Variants in PIK3C2B observed in about 807,000 individuals in gnomAD.
PIK3C2B encodes the protein phosphatidylinositol-4-phosphate 3-kinase catalytic subunit type 2 beta, also known as phosphatidylinositol 4-phosphate 3-kinase C2 domain-containing subunit beta.
A neutral mutation model predicts 184.3 loss-of-function variants in PIK3C2B; 83 were observed. That is an observed-to-expected ratio of 0.45 (90% CI 0.38 to 0.54). PIK3C2B has a LOEUF of 0.54. PIK3C2B is among the 20% of genes least tolerant of loss of function. The pLI is 0.00. For synonymous variants in PIK3C2B, 779 were observed against 837.6 expected (o/e 0.93, Z 1.21); for missense variants, 1,736 against 2,113.5 (o/e 0.82, Z 3.50).
chr1:204,432,508 T>A, intron 26 of PIK3C2B, 107 bp from the exon 27 acceptor site: 1 of 821,814 alleles, frequency 1.2e-6, no homozygotes, highest in Middle Eastern at 2.2e-4. Context: ...AACAATCAGC[T>A]CAGATCAAAC....
chr1:204,486,170 C>A (rs1225495289), intron 1 of PIK3C2B, among the ~76,000 whole-genome samples: 2 of 151,142 alleles, frequency 1.3e-5, no homozygotes, highest in African/African-American at 4.9e-5. Flanking sequence ...TCGAGGCGGG[C>A]GGATCACCAG....
rs765998652 is a variant in PIK3C2B at position 204,433,746 on chromosome 1, G to A, written c.3843+47C>T. The A allele has an allele frequency of 1.3e-6, 2 of 1,554,792 alleles. No individual in the cohort carries two copies. The highest frequency in any genetic ancestry group is 1.7e-5 in the Admixed American group (1 of 59,526). On this transcript the variant is annotated intron_variant, in intron 25 of 32. Transcript: ENST00000684373. This position sits in a 1 kb window ranked among gnomAD's most constrained non-coding sequence, Gnocchi z 5.0. ...AAGACAGGGAAGTCTTAAAGATGAT[G>A]CCAGATAATAAGAAGAAGGTATTCG... is the stretch of plus-strand genomic sequence containing the variant.
Position 204,444,363 on chromosome 1 carries a change from C to T in PIK3C2B, c.2740G>A (p.Glu914Lys). 4 of 1,614,020 alleles carry T rather than the reference C, an allele frequency of 2.5e-6. No homozygotes were observed. Among genetic ancestry groups the T allele is most frequent in the Non-Finnish European group, 3.4e-6 (4 of 1,179,966 alleles). Reference sequence around the variant, plus strand: ...AGCTGGGGCAGGTAGTCTAGCAGCTCAGCATCTGAGAGTGAGCCAATCCAC... The same window carrying T: ...AGCTGGGGCAGGTAGTCTAGCAGCTTAGCATCTGAGAGTGAGCCAATCCAC... The part of the protein sequence containing the change: ...VQWIGSLSDA[E>K]LLDYLPQLVQ... Residue 914 changes from glutamate to lysine, a missense_variant, in exon 17 of 33, where the codon GAG becomes AAG. By Grantham distance (56) the Glu-to-Lys change is moderately conservative. Coordinates refer to ENST00000684373, the MANE Select transcript of PIK3C2B (RefSeq NM_001377334.1).
rs1424428653 is a variant in PIK3C2B, at chr1:204,444,731, G to A, written c.2679-307C>T. On this transcript the variant is annotated intron_variant, in intron 16 of 32. Coordinates refer to ENST00000684373, the MANE Select transcript of PIK3C2B (RefSeq NM_001377334.1). ...ACCTTACTCCAGAGATTTCTCCCTT[G>A]ACTCCCACTGTGCCAGAAATTCCTG... 2.0e-5 allele frequency among the ~76,000 whole-genome samples: 3 copies of A among 152,318 alleles called. No homozygotes were observed. In the East Asian group the frequency reaches 5.8e-4, roughly 29 times the overall value.
In PIK3C2B at chr1:204,423,030, C is replaced by T. The variant is rs769926135; in HGVS notation, c.*1822G>A. 1 of 152,250 alleles carries T rather than the reference C, an allele frequency of 6.6e-6. No individual in the cohort carries two copies. The allele number at this position is 152,250 out of a possible 1,614,324, so 9.4% of individuals were successfully genotyped here. Reference sequence around the variant, plus strand: ...GTTTACAGAATGTCCTCATTTCACTCTTTTCCCAATCATGGGAAATATCCA... The same window carrying T: ...GTTTACAGAATGTCCTCATTTCACTTTTTTCCCAATCATGGGAAATATCCA... On this transcript the variant is annotated 3_prime_UTR_variant, in exon 33 of 33. Transcript: ENST00000684373.
Position 204,475,929 on chromosome 1 carries a change from G to C in PIK3C2B, c.-84-6043C>G, listed in dbSNP as rs576065032. ...TCATGCCCAGGGCCACACTGGCAAT[G>C]CTCCTCCCAAAGGCTCAGCACTCAG... On this transcript the variant is annotated intron_variant, in intron 1 of 32. Coordinates refer to ENST00000684373, the MANE Select transcript of PIK3C2B (RefSeq NM_001377334.1). 1.7e-3 allele frequency among the ~76,000 whole-genome samples: 265 copies of C among 152,252 alleles called. 1 individual carries two copies. Among genetic ancestry groups the C allele is most frequent in the Non-Finnish European group, 3.4e-3 (231 of 68,024 alleles).
At chr1:204,430,696 C>T (rs1675005870) in intron 28 of PIK3C2B, among the ~76,000 whole-genome samples, 1 of 150,718 alleles carries the variant, frequency 6.6e-6, no homozygotes, top group South Asian at 2.1e-4. Context: ...TCTCGCTTTG[C>T]CGCCCAGGCT....
intron 12 of PIK3C2B, among the ~76,000 whole-genome samples, chr1:204,454,039 C>A (rs74849463): frequency 1.3e-5 from 2 of 151,556 alleles, no homozygotes; most frequent in Non-Finnish European, 2.9e-5. Flanking sequence ...CCTCCCAAAG[C>A]GCTGGGATTA....
intron 20 of PIK3C2B, 133 bp downstream of exon 20, chr1:204,442,393 G>T: frequency 1.6e-6 from 1 of 628,378 alleles, no homozygotes; most frequent in Non-Finnish European, 2.9e-6. Context: ...GCTAGGCCAA[G>T]ACCACATGGT....
chr1:204,459,736 AG>A, intron 8 of PIK3C2B, 141 bp downstream of exon 8: 1 of 695,686 alleles, frequency 1.4e-6, no homozygotes, highest in South Asian at 1.7e-5. Flanking sequence ...CCCATGAGCG[AG>A]GGGTTAAAAA....
At chr1:204,434,961 T>C (rs1176249027) in intron 23 of PIK3C2B, among the ~76,000 whole-genome samples, 7 of 152,286 alleles carry the variant, frequency 4.6e-5, no homozygotes, top group East Asian at 3.9e-4. Context: ...CCTTAAGAGA[T>C]GGGAAGACTG....
chr1:204,439,129 G>A, intron 22 of PIK3C2B, 58 bp from the exon 23 acceptor site: 6 of 1,576,812 alleles, frequency 3.8e-6, no homozygotes, highest in African/African-American at 1.3e-5. Context: ...ACTGCAGGGA[G>A]AGGACTACAA....
intron 17 of PIK3C2B, 34 bp downstream of exon 17, chr1:204,444,297 C>T (rs897104660): frequency 1.3e-6 from 2 of 1,569,528 alleles, no homozygotes; most frequent in Non-Finnish European, 8.8e-7. Flanking sequence ...GGGGATGGGA[C>T]CAGCAAAACT....
chr1:204,444,547 T>C (rs1277132275), intron 16 of PIK3C2B, 123 bp from the exon 17 acceptor site: 1 of 666,086 alleles, frequency 1.5e-6, no homozygotes, highest in Non-Finnish European at 2.6e-6. Flanking sequence ...CCCTAGATTC[T>C]GCTAAAGTCA....
intron 27 of PIK3C2B, 86 bp from the exon 28 acceptor site, chr1:204,431,879 G>A (rs910704015): frequency 2.0e-6 from 3 of 1,474,820 alleles, no homozygotes; most frequent in South Asian, 2.3e-5. Flanking sequence ...GTGTATGTAT[G>A]TGCTGAGGGG....
intron 8 of PIK3C2B, among the ~76,000 whole-genome samples, chr1:204,459,407 C>T (rs1655138443): frequency 1.3e-5 from 2 of 152,244 alleles, no homozygotes; most frequent in Non-Finnish European, 2.9e-5. Context: ...AGGCTTGAGA[C>T]TCCGCATGAA....
intron 23 of PIK3C2B, 41 bp downstream of exon 23, chr1:204,438,892 GGC>G: frequency 6.3e-7 from 1 of 1,588,700 alleles, no homozygotes. Context: ...GCCGGCATCA[GGC>G]ACACACACAC....
chr1:204,427,525 ATGG>A, intron 31 of PIK3C2B, 120 bp downstream of exon 31: 1 of 684,778 alleles, frequency 1.5e-6, no homozygotes, highest in Non-Finnish European at 2.6e-6. Flanking sequence ...TTATAGGTCC[ATGG>A]TGGATGCTCA....
At chr1:204,456,902 A>ACC (rs1259668417) in intron 10 of PIK3C2B, 135 bp downstream of exon 10, 4 of 363,020 alleles carry the variant, frequency 1.1e-5, no homozygotes, top group South Asian at 3.8e-5. Flanking sequence ...ACACACACAC[A>ACC]CACACCCACA....
Sources: allele counts gnomAD v4.1 joint callset (sites outside exome capture counted in the v4.1 genomes callset), GRCh38; gene constraint gnomAD v4.1.1; non-coding constraint Gnocchi (gnomAD v3.1); transcripts MANE v1.5; gene names NCBI Gene and HGNC (gene_info 2026-07-23, HGNC 2026-07-21).